Variants in HHIP observed in about 807,000 individuals in gnomAD.
HHIP encodes the protein hedgehog-interacting protein.
Under a neutral mutation model 74.0 loss-of-function variants are expected in HHIP, and 12 were observed. The ratio of observed to expected loss-of-function variants is 0.16; its 90% CI spans 0.10 to 0.26. The LOEUF is 0.26. HHIP is among the 10% of genes least tolerant of loss of function. HHIP has a pLI of 1.00. For synonymous variants in HHIP, 309 were observed against 311.6 expected (o/e 0.99, Z 0.09); for missense variants, 788 against 845.0 (o/e 0.93, Z 0.84).
intron 11 of HHIP, among the ~76,000 whole-genome samples, chr4:144,727,298 T>G (rs1251519450): frequency 6.6e-6 from 1 of 152,040 alleles, no homozygotes; most frequent in African/African-American, 2.4e-5. Context: ...AATCGCATCA[T>G]GGGGGCTCTA....
In HHIP at chr4:144,646,378, C is replaced by T. The variant is rs200911895; in HGVS notation, c.-298C>T. ...CCAACTCCTTCTCCTCCTCCCACTTCCCAGCCGCAGCAGAAAGCCCCCAAC... is the reference window on the plus strand; with the variant it reads ...CCAACTCCTTCTCCTCCTCCCACTTTCCAGCCGCAGCAGAAAGCCCCCAAC... On this transcript the variant is annotated 5_prime_UTR_variant, in exon 1 of 13. Coordinates refer to ENST00000296575, the MANE Select transcript of HHIP (RefSeq NM_022475.3). 8.1e-4 allele frequency: 260 copies of T among 321,962 alleles called. 1 individual carries two copies. Among genetic ancestry groups the T allele is most frequent in the Non-Finnish European group, 1.3e-3 (231 of 177,126 alleles). 19.9% of individuals were successfully genotyped at this position (321,962 alleles called of 1,614,324 possible).
intron 4 of HHIP, among the ~76,000 whole-genome samples, chr4:144,667,887 C>T (rs968214872): frequency 6.6e-6 from 1 of 152,200 alleles, no homozygotes; most frequent in Admixed American, 6.5e-5. Flanking sequence ...TGCCCACTAG[C>T]AACTATGGCT....
At chr4:144,677,723 G>T (rs1039800622) in intron 4 of HHIP, among the ~76,000 whole-genome samples, 7 of 152,152 alleles carry the variant, frequency 4.6e-5, no homozygotes, top group Non-Finnish European at 1.0e-4. Context: ...ATTCAATCCT[G>T]CCTGACATTC....
At chr4:144,698,066 C>T (rs564386924) in intron 4 of HHIP, among the ~76,000 whole-genome samples, 1 of 152,230 alleles carries the variant, frequency 6.6e-6, no homozygotes, top group African/African-American at 2.4e-5. Context: ...AGATAAAATG[C>T]TTGAAAATCC....
chr4:144,718,377 C>T (rs945452146), intron 10 of HHIP, among the ~76,000 whole-genome samples: 4 of 152,044 alleles, frequency 2.6e-5, no homozygotes, highest in African/African-American at 4.8e-5. Context: ...AATCACAAGC[C>T]GGTGAGGCTA....
In HHIP at chr4:144,707,202, A is replaced by T. The variant is rs1326746441; in HGVS notation, c.1099A>T (p.Ile367Phe). 3.1e-6 allele frequency: 5 copies of T among 1,614,092 alleles called. No individual in the cohort carries two copies. The South Asian group carries it at 5.5e-5, about 18-fold the overall frequency. Reference sequence around the variant, plus strand: ...CTTTGGCCCTGACGGCTTTTTGTACATCATTCTTGGTGATGGGATGATTAC... The same window carrying T: ...CTTTGGCCCTGACGGCTTTTTGTACTTCATTCTTGGTGATGGGATGATTAC... The part of the protein sequence containing the change: ...LLFGPDGFLY[I>F]ILGDGMITLD... The change falls in exon 6 of 13, where the codon ATC becomes TTC. Residue 367 changes from isoleucine (I) to phenylalanine (F), a missense_variant. Ile to Phe is a conservative substitution (Grantham distance 21). This residue lies in a region of HHIP where 72 missense variants were observed against 130.6 expected (regional missense o/e 0.55). Transcript: ENST00000296575.
chr4:144,733,932 C>T (rs778365633), intron 11 of HHIP, among the ~76,000 whole-genome samples: 9 of 152,182 alleles, frequency 5.9e-5, no homozygotes, highest in Non-Finnish European at 1.2e-4. Flanking sequence ...AGTTGTAGAA[C>T]AATTAAAATC....
intron 7 of HHIP, 150 bp downstream of exon 7, chr4:144,708,461 AAGTG>A: frequency 1.5e-6 from 1 of 688,020 alleles, no homozygotes; most frequent in Non-Finnish European, 2.4e-6. Context: ...GTCATTACTC[AAGTG>A]AGTATTTAGC....
chr4:144,646,433 T>G lies in HHIP; in HGVS notation c.-243T>G. On this transcript the variant is annotated 5_prime_UTR_variant, in exon 1 of 13. Transcript: ENST00000296575. ...CTGACACTGGCACAACTGCAAACGGTGTCATCCGCACAACTTTATCTCGCT... is the reference window on the plus strand; with the variant it reads ...CTGACACTGGCACAACTGCAAACGGGGTCATCCGCACAACTTTATCTCGCT... The G allele has an allele frequency of 4.5e-6, 2 of 445,840 alleles. No individual in the cohort carries two copies. The highest frequency in any genetic ancestry group is 8.0e-6 in the Non-Finnish European group (2 of 251,540). 27.6% of individuals were successfully genotyped at this position (445,840 alleles called of 1,614,324 possible).
intron 11 of HHIP, among the ~76,000 whole-genome samples, chr4:144,725,170 T>A (rs1730761959): frequency 6.6e-6 from 1 of 152,218 alleles, no homozygotes; most frequent in Admixed American, 6.5e-5. Context: ...TTGCATTAGA[T>A]ATGTCTGAAA....
intron 4 of HHIP, among the ~76,000 whole-genome samples, chr4:144,692,619 T>G (rs1729705284): frequency 6.6e-6 from 1 of 152,126 alleles, no homozygotes; most frequent in South Asian, 2.1e-4. Context: ...AACACCCTAT[T>G]CTTGTCTTTT....
At chr4:144,690,928 C>T (rs950547687) in intron 4 of HHIP, among the ~76,000 whole-genome samples, 2 of 151,954 alleles carry the variant, frequency 1.3e-5, no homozygotes, top group African/African-American at 2.4e-5. Flanking sequence ...TCAGGCAATT[C>T]AAAGAAAACA....
chr4:144,651,630 T>C (rs1346806573), intron 1 of HHIP, among the ~76,000 whole-genome samples: 2 of 152,030 alleles, frequency 1.3e-5, no homozygotes, highest in Non-Finnish European at 2.9e-5. Flanking sequence ...GTTTTTAATA[T>C]AAAAAATCAA....
chr4:144,683,481 T>C (rs926946387), intron 4 of HHIP, among the ~76,000 whole-genome samples: 33 of 152,246 alleles, frequency 2.2e-4, no homozygotes, highest in African/African-American at 7.2e-4. Context: ...TCTTGGAAAC[T>C]AAATTTAAGA....
intron 4 of HHIP, among the ~76,000 whole-genome samples, chr4:144,678,872 A>G (rs2126617451): frequency 6.6e-6 from 1 of 152,334 alleles, no homozygotes; most frequent in Admixed American, 6.5e-5. Flanking sequence ...TTATAGTAGC[A>G]TGATTTATAA....
Position 144,744,082 on chromosome 4 carries a change from G to T in HHIP, c.*6125G>T, listed in dbSNP as rs570099173. 7 of 152,214 alleles carry T rather than the reference G, an allele frequency of 4.6e-5. No homozygotes were observed. In the South Asian group the frequency reaches 1.5e-3, roughly 32 times the overall value. The allele number at this position is 152,214 out of a possible 1,614,324, so 9.4% of individuals were successfully genotyped here. A position where few individuals can be genotyped will look rare whatever the true frequency, so the allele number is the denominator to read the frequency against. On this transcript the variant is annotated 3_prime_UTR_variant, in exon 13 of 13. Transcript: ENST00000296575. Reference sequence around the variant, plus strand: ...TTATCTCATTATATTCACAGCATATGTTTGGACATGCGTTTCACCAAGAAC... The same window carrying T: ...TTATCTCATTATATTCACAGCATATTTTTGGACATGCGTTTCACCAAGAAC...
chr4:144,658,967 T>C, intron 3 of HHIP, 21 bp downstream of exon 3: 1 of 1,558,172 alleles, frequency 6.4e-7, no homozygotes. Context: ...ATAAATGCTC[T>C]TTAATCTTTT....
At chr4:144,688,124 G>T (rs142242072) in intron 4 of HHIP, among the ~76,000 whole-genome samples, 1 of 152,114 alleles carries the variant, frequency 6.6e-6, no homozygotes. Flanking sequence ...TTTTGCTCTA[G>T]AATCAGCACT....
chr4:144,673,448 C>T (rs577254754), intron 4 of HHIP, among the ~76,000 whole-genome samples: 10 of 152,170 alleles, frequency 6.6e-5, no homozygotes, highest in African/African-American at 2.2e-4. Flanking sequence ...GCTCACTCTA[C>T]GCCAGTTGTA....
Sources: allele counts gnomAD v4.1 joint callset (sites outside exome capture counted in the v4.1 genomes callset), GRCh38; gene constraint gnomAD v4.1.1; regional missense constraint gnomAD v4.1.1; transcripts MANE v1.5; gene names NCBI Gene and HGNC (gene_info 2026-07-23, HGNC 2026-07-21).